Variants in FAM120A observed in about 807,000 individuals in gnomAD.
FAM120A encodes family with sequence similarity 120 member A, also known as constitutive coactivator of PPAR-gamma-like protein 1.
FAM120A carries 15 observed loss-of-function variants against 109.7 expected under a neutral mutation model. The observed-to-expected ratio is 0.14, with a 90% CI of 0.09 to 0.21. The LOEUF is 0.21. Ranked by LOEUF, FAM120A falls within the 10% of genes least tolerant of loss-of-function variation. The pLI, the probability that FAM120A is intolerant of heterozygous loss-of-function variation, is 1.00. For missense variants in FAM120A, 899 were observed against 1,439.3 expected (o/e 0.62, Z 6.07); for synonymous variants, 493 against 572.8 (o/e 0.86, Z 1.99).
In FAM120A at chr9:93,500,801, T is replaced by C. The variant is rs1056545194; in HGVS notation, c.1030+1915T>C. Among the ~76,000 whole-genome samples the C allele has an allele frequency of 2.0e-4, 30 of 152,292 alleles. No individual in the cohort carries two copies. Among genetic ancestry groups the C allele is most frequent in the Admixed American group, 1.1e-3 (17 of 15,306 alleles). On this transcript the variant is annotated intron_variant, in intron 5 of 17. Transcript: ENST00000277165. This position sits in a 1 kb window ranked among gnomAD's most constrained non-coding sequence, Gnocchi z 4.6. The stretch of plus-strand genomic sequence containing the variant: ...TACTGTATACCCTGCACACAGAAGA[T>C]GTCTAATAATTGCTTGTGGGAATGA...
intron 5 of FAM120A, among the ~76,000 whole-genome samples, chr9:93,508,199 G>A (rs1401202551): frequency 6.6e-6 from 1 of 152,202 alleles, no homozygotes; most frequent in African/African-American, 2.4e-5. Flanking sequence ...CCAGGCTGCT[G>A]TGTGTCAGAG....
intron 5 of FAM120A, among the ~76,000 whole-genome samples, chr9:93,499,970 T>C (rs2131356653): frequency 6.6e-6 from 1 of 152,358 alleles, no homozygotes; most frequent in East Asian, 1.9e-4. Flanking sequence ...CCTATGTATG[T>C]GGCTGGGTGG....
intron 10 of FAM120A, among the ~76,000 whole-genome samples, chr9:93,538,765 G>A (rs961865967): frequency 6.6e-6 from 1 of 152,188 alleles, no homozygotes; most frequent in Non-Finnish European, 1.5e-5. Context: ...TATTATTCCT[G>A]GGCTAGGATA....
chr9:93,529,113 C>G lies in FAM120A; in HGVS notation c.1507-240C>G, dbSNP rs1861214487. 5.9e-5 allele frequency among the ~76,000 whole-genome samples: 9 copies of G among 152,326 alleles called. No homozygotes were observed. In the South Asian group the frequency reaches 1.9e-3, roughly 32 times the overall value. ...AACAGCAGGGAGCAACAGGCCCGCTCTCCTGTGGCACAGTAGATGTTGATG... is the reference window on the plus strand; with the variant it reads ...AACAGCAGGGAGCAACAGGCCCGCTGTCCTGTGGCACAGTAGATGTTGATG... On this transcript the variant is annotated intron_variant, in intron 8 of 17. Transcript: ENST00000277165.
chr9:93,465,571 C>G (rs61372617), intron 1 of FAM120A, among the ~76,000 whole-genome samples: 1,613 of 151,900 alleles, frequency 0.011, 35 homozygotes, highest in African/African-American at 0.036. Flanking sequence ...AGAATATTGA[C>G]TCTTTTTTTT....
At chr9:93,551,051 T>A (rs1278112560) in intron 12 of FAM120A, among the ~76,000 whole-genome samples, 1 of 152,212 alleles carries the variant, frequency 6.6e-6, no homozygotes, top group Non-Finnish European at 1.5e-5. Context: ...TCTTAAGAAT[T>A]TTCTAACATC....
At chr9:93,507,130 G>A (rs1209368455) in intron 5 of FAM120A, among the ~76,000 whole-genome samples, 2 of 152,188 alleles carry the variant, frequency 1.3e-5, no homozygotes, top group African/African-American at 4.8e-5. Context: ...GTGGGCAAGG[G>A]CAGGTATAGG....
chr9:93,541,083 G>GC (rs397707684), intron 10 of FAM120A, among the ~76,000 whole-genome samples: 1 of 128,384 alleles, frequency 7.8e-6, no homozygotes, highest in Non-Finnish European at 1.7e-5. Context: ...GTGGTGGGGG[G>GC]TGTGTGTGGT....
rs1860353556 is a variant in FAM120A, at chr9:93,512,253, G to C, written c.1031-3414G>C. Among the ~76,000 whole-genome samples the C allele has an allele frequency of 5.9e-5, 9 of 152,262 alleles. No homozygotes were observed. The South Asian group carries it at 1.9e-3, about 32-fold the overall frequency. ...AGGCCGACTGTAGTTCTAAGAAGAGGTTCCAGTTTAACACCATTTCTTTAA... is the reference window on the plus strand; with the variant it reads ...AGGCCGACTGTAGTTCTAAGAAGAGCTTCCAGTTTAACACCATTTCTTTAA... On this transcript the variant is annotated intron_variant, in intron 5 of 17. Coordinates refer to ENST00000277165, the MANE Select transcript of FAM120A (RefSeq NM_014612.5).
At chr9:93,463,172 G>A (rs1857869033) in intron 1 of FAM120A, among the ~76,000 whole-genome samples, 1 of 152,080 alleles carries the variant, frequency 6.6e-6, no homozygotes, top group Admixed American at 6.5e-5. Context: ...TATTCTTGTT[G>A]ACATTTGTTA....
At chr9:93,528,550 G>A (rs951715160) in intron 8 of FAM120A, among the ~76,000 whole-genome samples, 1 of 152,132 alleles carries the variant, frequency 6.6e-6, no homozygotes, top group Admixed American at 6.5e-5. Context: ...CATCACTGTG[G>A]TAATAATCTG....
Position 93,500,983 on chromosome 9 carries a change from A to G in FAM120A, c.1030+2097A>G, listed in dbSNP as rs1859776583. 6.6e-6 allele frequency among the ~76,000 whole-genome samples: 1 copy of G among 152,242 alleles called. No individual in the cohort carries two copies. The highest frequency in any genetic ancestry group is 1.5e-5 in the Non-Finnish European group (1 of 68,044). ...CAGTCATTCAATGCCCTTTTAGGTA[A>G]TTCTGCCTATAAGAATAACAGATAC... On this transcript the variant is annotated intron_variant, in intron 5 of 17. Transcript: ENST00000277165. This position sits in a 1 kb window ranked among gnomAD's most constrained non-coding sequence, Gnocchi z 4.6.
intron 3 of FAM120A, among the ~76,000 whole-genome samples, chr9:93,493,521 A>G (rs1859428005): frequency 6.6e-6 from 1 of 152,240 alleles, no homozygotes; most frequent in Non-Finnish European, 1.5e-5. Context: ...AATGCTATCT[A>G]TCAAACTTGA....
chr9:93,556,288 A>G, intron 12 of FAM120A, 94 bp from the exon 13 acceptor site: 3 of 1,028,478 alleles, frequency 2.9e-6, no homozygotes, highest in Non-Finnish European at 4.5e-6. Flanking sequence ...GTTGAGGAAT[A>G]TTCTGTTAAC....
chr9:93,520,502 C>T (rs567662988), intron 7 of FAM120A, among the ~76,000 whole-genome samples: 6 of 152,230 alleles, frequency 3.9e-5, no homozygotes, highest in Non-Finnish European at 8.8e-5. Context: ...ATAAAATTGT[C>T]AAACATTTAT....
chr9:93,516,756 C>T (rs1022763282), intron 7 of FAM120A, among the ~76,000 whole-genome samples: 1 of 152,168 alleles, frequency 6.6e-6, no homozygotes, highest in African/African-American at 2.4e-5. Context: ...AGAAAGCTGC[C>T]TAGACCCAGG....
chr9:93,518,397 A>G (rs1860694584), intron 7 of FAM120A, among the ~76,000 whole-genome samples: 1 of 152,192 alleles, frequency 6.6e-6, no homozygotes. Context: ...AAGAGAACAA[A>G]GAATTGCTTT....
intron 1 of FAM120A, among the ~76,000 whole-genome samples, chr9:93,462,748 G>A (rs935466760): frequency 6.6e-6 from 1 of 152,154 alleles, no homozygotes; most frequent in East Asian, 1.9e-4. Flanking sequence ...TGTCTCTGAA[G>A]TTGTCTACCC....
intron 3 of FAM120A, among the ~76,000 whole-genome samples, chr9:93,480,286 G>A (rs768099896): frequency 8.5e-5 from 13 of 152,228 alleles, no homozygotes; most frequent in Non-Finnish European, 1.5e-4. Flanking sequence ...TAGCTTCTAA[G>A]ATGTGGTCAA....
Sources: allele counts gnomAD v4.1 joint callset (sites outside exome capture counted in the v4.1 genomes callset), GRCh38; gene constraint gnomAD v4.1.1; non-coding constraint Gnocchi (gnomAD v3.1); transcripts MANE v1.5; gene names NCBI Gene and HGNC (gene_info 2026-07-23, HGNC 2026-07-21).